CARMIL1: variants seen among roughly 807,000 people sequenced by gnomAD.
CARMIL1 encodes capping protein regulator and myosin 1 linker 1, also known as F-actin-uncapping protein LRRC16A.
In CARMIL1, 90 loss-of-function variants were observed where a neutral mutation model predicts 177.1. The observed-to-expected ratio is 0.51, with a 90% CI of 0.43 to 0.61. The LOEUF is 0.61. Among genes scored for constraint, CARMIL1 ranks in the 20% least tolerant of loss-of-function variants. CARMIL1 has a pLI of 0.00. For synonymous variants in CARMIL1, 577 were observed against 606.2 expected, an observed-to-expected ratio of 0.95 and a Z score of 0.71; for missense variants, 1,380 against 1,667.0, an observed-to-expected ratio of 0.83 and a Z score of 3.00.
chr6:25,296,946 A>T (rs369578135), intron 2 of CARMIL1, among the ~76,000 whole-genome samples: 29 of 73,872 alleles, frequency 3.9e-4, no homozygotes, highest in South Asian at 1.7e-3. Context: ...TAACTAACTA[A>T]CTAACTAACT....
At chr6:25,322,165 C>G (rs1784729724) in intron 2 of CARMIL1, among the ~76,000 whole-genome samples, 1 of 152,112 alleles carries the variant, frequency 6.6e-6, no homozygotes, top group African/African-American at 2.4e-5. Flanking sequence ...CTCTGTCACC[C>G]AGGCAGGAGT....
chr6:25,553,726 T>A (rs1329584037), intron 27 of CARMIL1, among the ~76,000 whole-genome samples: 1 of 152,230 alleles, frequency 6.6e-6, no homozygotes, highest in African/African-American at 2.4e-5. Context: ...TCCCATTAAC[T>A]TTGTCTTTAT....
chr6:25,528,835 A>G lies in CARMIL1; in HGVS notation c.2009A>G (p.Tyr670Cys). 10 of 1,609,642 alleles carry G rather than the reference A, an allele frequency of 6.2e-6. No homozygotes were observed. The highest frequency in any genetic ancestry group is 8.5e-6 in the Non-Finnish European group (10 of 1,177,842). The change falls in exon 24 of 37, where the codon TAC becomes TGC. Residue 670 changes from tyrosine to cysteine, a missense_variant. Transcript: ENST00000329474. Reference sequence around the variant, plus strand: ...CTACGAAATCACGAGACTAGAAAATACCTTCAAGAGCAGGCCTACCGCCTG... The same window carrying G: ...CTACGAAATCACGAGACTAGAAAATGCCTTCAAGAGCAGGCCTACCGCCTG... ...YLLRNHETRK[Y>C]LQEQAYRLQQ...
intron 2 of CARMIL1, among the ~76,000 whole-genome samples, chr6:25,407,405 AT>A (rs56127687): frequency 0.44 from 67,282 of 151,262 alleles, 15,253 homozygotes; most frequent in Middle Eastern, 0.58. Context: ...AGGGACGGGC[AT>A]TTATCTCCAG....
intron 2 of CARMIL1, among the ~76,000 whole-genome samples, chr6:25,331,350 T>C (rs12664033): frequency 0.027 from 4,082 of 152,298 alleles, 69 homozygotes; most frequent in Middle Eastern, 0.078. Context: ...TGATAGACGC[T>C]CCACTGATGC....
At chr6:25,409,182 C>G (rs960477441) in intron 2 of CARMIL1, among the ~76,000 whole-genome samples, 5 of 152,150 alleles carry the variant, frequency 3.3e-5, no homozygotes, top group African/African-American at 9.7e-5. Flanking sequence ...CTTGCTCTGA[C>G]TCAAGCCACA....
At chr6:25,290,369 CTTTTTTTTTTTT>C (rs910242856) in intron 2 of CARMIL1, among the ~76,000 whole-genome samples, 1 of 95,362 alleles carries the variant, frequency 1.0e-5, no homozygotes, top group African/African-American at 4.0e-5. Flanking sequence ...TGCTGGGATT[CTTTTTTTTTTTT>C]TTTTTTTTTT....
intron 2 of CARMIL1, chr6:25,383,617 CAT>C (rs1791825503): frequency 6.6e-6 from 1 of 152,098 alleles, no homozygotes; most frequent in Non-Finnish European, 1.5e-5. Context: ...TTTGGTAGTA[CAT>C]ATACTAAAAC....
At chr6:25,614,599 A>T (rs1816751661) in intron 36 of CARMIL1, among the ~76,000 whole-genome samples, 1 of 152,194 alleles carries the variant, frequency 6.6e-6, no homozygotes. Flanking sequence ...AGCATACCTA[A>T]GGTTGCATAG....
rs537756678 is a variant in CARMIL1, at chr6:25,608,070, A to G, written c.3847+1797A>G. On this transcript the variant is annotated intron_variant, in intron 35 of 36. Transcript: ENST00000329474. ...GAAAGCAAAGCAAATAAGTACTCAA[A>G]AGGAGCCTTGCTCCTAACATTGTCA... 2.6e-5 allele frequency among the ~76,000 whole-genome samples: 4 copies of G among 152,322 alleles called. No homozygotes were observed. The South Asian group carries it at 8.3e-4, about 32-fold the overall frequency.
intron 2 of CARMIL1, among the ~76,000 whole-genome samples, chr6:25,372,694 G>A (rs1478097347): frequency 3.9e-5 from 6 of 152,158 alleles, no homozygotes; most frequent in East Asian, 1.9e-4. Flanking sequence ...GGCAAACAGA[G>A]ATAGTGTAAT....
At chr6:25,340,443 A>G (rs542069164) in intron 2 of CARMIL1, among the ~76,000 whole-genome samples, 199 of 152,318 alleles carry the variant, frequency 1.3e-3, no homozygotes, top group African/African-American at 4.4e-3. Flanking sequence ...GCTAAGAACA[A>G]TCTGATTAGA....
intron 26 of CARMIL1, among the ~76,000 whole-genome samples, chr6:25,545,583 T>C (rs1378134600): frequency 6.6e-6 from 1 of 152,174 alleles, no homozygotes; most frequent in East Asian, 1.9e-4. Context: ...AATTGTAATC[T>C]AATGCAGCTA....
rs1805224943 is a variant in CARMIL1, at chr6:25,509,163, CAT to C, written c.1396-492_1396-491del. On this transcript the variant is annotated intron_variant, in intron 17 of 36. Coordinates refer to ENST00000329474, the MANE Select transcript of CARMIL1 (RefSeq NM_017640.6). The surrounding 1 kb of genome is among the most constrained non-coding windows in gnomAD (Gnocchi z 4.1). ...TGCCTTATGAGTGAGAACTCACACT[CAT>C]GTCTTAGAACAGGTAGGGATGGGTC... Among the ~76,000 whole-genome samples, 1 of 152,166 alleles carries C rather than the reference CAT, an allele frequency of 6.6e-6. No individual in the cohort carries two copies. Among genetic ancestry groups the C allele is most frequent in the Admixed American group, 6.5e-5 (1 of 15,276 alleles).
intron 24 of CARMIL1, among the ~76,000 whole-genome samples, chr6:25,531,976 G>T (rs191821160): frequency 6.6e-6 from 1 of 152,226 alleles, no homozygotes; most frequent in East Asian, 1.9e-4. Context: ...TTACCATGTT[G>T]CCCAGGCTGG....
In CARMIL1 at chr6:25,279,855, T is replaced by TG; in HGVS notation, c.40+22dup. ...TGATAGGTAAGATTCACGCGGTTGT[T>TG]GGTTTTCCACCTTCCTCTGCGTACT... is the stretch of plus-strand genomic sequence containing the variant. On this transcript the variant is annotated intron_variant, in intron 1 of 36. Transcript: ENST00000329474. 1 of 1,613,648 alleles carries TG rather than the reference T, an allele frequency of 6.2e-7. No homozygotes were observed. Among genetic ancestry groups the TG allele is most frequent in the Non-Finnish European group, 8.5e-7 (1 of 1,179,602 alleles).
intron 2 of CARMIL1, among the ~76,000 whole-genome samples, chr6:25,354,329 AATTTTTTTT>A (rs1413529670): frequency 8.3e-6 from 1 of 120,364 alleles, no homozygotes; most frequent in East Asian, 2.4e-4. Flanking sequence ...TGACTAATTA[AATTTTTTTT>A]TTTTTTTTTT....
At chr6:25,284,314 T>C (rs1420807185) in intron 1 of CARMIL1, among the ~76,000 whole-genome samples, 2 of 152,236 alleles carry the variant, frequency 1.3e-5, no homozygotes, top group Non-Finnish European at 2.9e-5. Context: ...ATGTCGTGCT[T>C]TTGTGTTTGC....
intron 4 of CARMIL1, among the ~76,000 whole-genome samples, chr6:25,428,740 A>G (rs914033959): frequency 2.0e-5 from 3 of 152,172 alleles, no homozygotes; most frequent in African/African-American, 7.2e-5. Flanking sequence ...CTGGTCTTAC[A>G]TATGTCTAAA....
Sources: allele counts gnomAD v4.1 joint callset (sites outside exome capture counted in the v4.1 genomes callset), GRCh38; gene constraint gnomAD v4.1.1; non-coding constraint Gnocchi (gnomAD v3.1); transcripts MANE v1.5; gene names NCBI Gene and HGNC (gene_info 2026-07-23, HGNC 2026-07-21).